SARNP: variants seen among roughly 807,000 people sequenced by gnomAD.
SARNP encodes the protein SAP domain containing ribonucleoprotein.
In SARNP, 5 loss-of-function variants were observed where a neutral mutation model predicts 38.1. That is an observed-to-expected ratio of 0.13 (90% CI 0.07 to 0.28). The LOEUF (loss-of-function observed/expected upper bound fraction) is 0.28. SARNP is among the 10% of genes least tolerant of loss of function. The pLI is 1.00. For missense variants in SARNP, 180 were observed against 243.9 expected (o/e 0.74, Z 1.75); for synonymous variants, 84 against 80.6 (o/e 1.04, Z -0.23).
Position 55,778,515 on chromosome 12 carries a change from T to C in SARNP, c.501+10560A>G, listed in dbSNP as rs147217753. ...GTTCCATTGGGAGGGTGGAGAAAAG[T>C]AGTGTCTTTTTTTTATCTTAAAGGG... On this transcript the variant is annotated intron_variant, in intron 9 of 10. Coordinates refer to ENST00000336133, the MANE Select transcript of SARNP (RefSeq NM_033082.4). Among the ~76,000 whole-genome samples the C allele has an allele frequency of 5.9e-3, 896 of 152,134 alleles. 13 individuals are homozygous for C. Among genetic ancestry groups the C allele is most frequent in the African/African-American group, 0.021 (859 of 41,446 alleles).
At chr12:55,782,785 TCTCA>T (rs1292405937) in intron 9 of SARNP, among the ~76,000 whole-genome samples, 1 of 152,122 alleles carries the variant, frequency 6.6e-6, no homozygotes, top group Non-Finnish European at 1.5e-5. Context: ...GAAGACAGGG[TCTCA>T]CTATGTTGCC....
chr12:55,756,684 C>T (rs1878514398), downstream of SARNP: 1 of 152,226 alleles, frequency 6.6e-6, no homozygotes, highest in Non-Finnish European at 1.5e-5. Context: ...TTGAAGCCTC[C>T]AGTTCCACTG....
chr12:55,776,039 G>A (rs1879172032), intron 9 of SARNP, among the ~76,000 whole-genome samples: 1 of 151,988 alleles, frequency 6.6e-6, no homozygotes, highest in African/African-American at 2.4e-5. Flanking sequence ...CTCCCATACA[G>A]ACTCTGAAGG....
downstream of SARNP, chr12:55,753,551 T>C (rs1315979867): frequency 6.6e-6 from 1 of 151,960 alleles, no homozygotes; most frequent in Non-Finnish European, 1.5e-5. Flanking sequence ...GGGCGGATCA[T>C]GCAAGGTCCG....
intron 2 of SARNP, among the ~76,000 whole-genome samples, chr12:55,803,190 G>C (rs1251124462): frequency 1.3e-5 from 2 of 152,012 alleles, no homozygotes; most frequent in Non-Finnish European, 2.9e-5. Flanking sequence ...TAAGATGTAG[G>C]TTGTACAAGA....
chr12:55,815,164 C>A (rs908917098), intron 1 of SARNP, among the ~76,000 whole-genome samples: 6 of 152,172 alleles, frequency 3.9e-5, no homozygotes, highest in African/African-American at 1.4e-4. Flanking sequence ...CTCAAGCAAT[C>A]CTCCCACTTC....
Position 55,794,789 on chromosome 12 carries a change from A to G in SARNP, c.377+18T>C. ...TACAACACCCCTATCAGAGGCCCAA[A>G]AGGCTGGGGACACTCACCTAGCTGC... On this transcript the variant is annotated intron_variant, in intron 6 of 10. Coordinates refer to ENST00000336133, the MANE Select transcript of SARNP (RefSeq NM_033082.4). 1 of 1,539,886 alleles carries G rather than the reference A, an allele frequency of 6.5e-7. No individual in the cohort carries two copies. The highest frequency in any genetic ancestry group is 1.1e-5 in the South Asian group (1 of 87,800).
In SARNP at chr12:55,757,407, G is replaced by A. The variant is rs1004632965; in HGVS notation, c.*105C>T. ...CCTGGGGTACATGCTCCCTCATTGCGAGGCAGGACGTAGGCACATGACTGT... is the reference window on the plus strand; with the variant it reads ...CCTGGGGTACATGCTCCCTCATTGCAAGGCAGGACGTAGGCACATGACTGT... On this transcript the variant is annotated 3_prime_UTR_variant, in exon 11 of 11. Coordinates refer to ENST00000336133, the MANE Select transcript of SARNP (RefSeq NM_033082.4). The A allele has an allele frequency of 1.7e-5, 15 of 878,186 alleles. No homozygotes were observed. Among genetic ancestry groups the A allele is most frequent in the Admixed American group, 2.9e-5 (1 of 33,904 alleles). The allele number at this position is 878,186 out of a possible 1,614,324, so 54.4% of individuals were successfully genotyped here. A position where few individuals can be genotyped will look rare whatever the true frequency, so the allele number is the denominator to read the frequency against.
chr12:55,769,174 A>G (rs1407660014), intron 9 of SARNP, among the ~76,000 whole-genome samples: 1 of 152,232 alleles, frequency 6.6e-6, no homozygotes, highest in African/African-American at 2.4e-5. Context: ...TGTAGATCCA[A>G]TCCCAGGTTC....
intron 8 of SARNP, among the ~76,000 whole-genome samples, chr12:55,789,496 G>A (rs1242661460): frequency 6.6e-6 from 1 of 152,126 alleles, no homozygotes; most frequent in African/African-American, 2.4e-5. Context: ...TTCTCATGTG[G>A]TCTCTGCAAG....
Position 55,790,485 on chromosome 12 carries a change from T to C in SARNP, c.432+82A>G. 2.1e-6 allele frequency: 3 copies of C among 1,402,846 alleles called. No homozygotes were observed. The South Asian group carries it at 4.1e-5, about 19-fold the overall frequency. The allele number at this position is 1,402,846 out of a possible 1,614,324, so 86.9% of individuals were successfully genotyped here. On this transcript the variant is annotated intron_variant, in intron 8 of 10. Transcript: ENST00000336133. ...AAATTAATGTTCTCAGAGTTTCCTC[T>C]AATCTGGGGAGGAGGAGTCTCTAAA... is the stretch of plus-strand genomic sequence containing the variant.
At position 55,800,584 on chromosome 12, in the gene SARNP, G is replaced by T; in HGVS notation, c.229C>A (p.Pro77Thr). ...TACACATCAACAGTTTTTTCAGGGG[G>T]TTCTTCCTCTTTGACAGGGAGCTCA... is the stretch of plus-strand genomic sequence containing the variant. ...PIELPVKEEEPPEKTVDVAAE... is the reference protein window; with the variant it reads ...PIELPVKEEETPEKTVDVAAE... Residue 77 changes from proline to threonine, a missense_variant, in exon 4 of 11, where the codon CCC becomes ACC. Physicochemically the swap from Pro to Thr is conservative, Grantham distance 38. Transcript: ENST00000336133. The T allele has an allele frequency of 1.9e-6, 3 of 1,611,354 alleles. No individual in the cohort carries two copies.
intron 1 of SARNP, among the ~76,000 whole-genome samples, chr12:55,807,164 G>A (rs1049818918): frequency 3.9e-5 from 6 of 152,024 alleles, no homozygotes; most frequent in Admixed American, 6.6e-5. Flanking sequence ...CAATACTTTC[G>A]CAATAACAAT....
chr12:55,795,264 G>A (rs2136197751), intron 5 of SARNP, among the ~76,000 whole-genome samples: 1 of 152,200 alleles, frequency 6.6e-6, no homozygotes, highest in Admixed American at 6.5e-5. Flanking sequence ...CCAGCCAAAG[G>A]TAGGTATCTT....
At chr12:55,812,646 C>T (rs538657483) in intron 1 of SARNP, among the ~76,000 whole-genome samples, 2 of 152,362 alleles carry the variant, frequency 1.3e-5, no homozygotes, top group South Asian at 2.1e-4. Context: ...TTCTCCTCCT[C>T]CCAACCCAGA....
intron 9 of SARNP, among the ~76,000 whole-genome samples, chr12:55,768,370 T>C (rs921688968): frequency 6.6e-6 from 1 of 151,966 alleles, no homozygotes; most frequent in Admixed American, 6.6e-5. Flanking sequence ...CCTCAGGTGA[T>C]CCGCCTACCT....
At chr12:55,808,419 A>G (rs1010719408) in intron 1 of SARNP, among the ~76,000 whole-genome samples, 18 of 152,122 alleles carry the variant, frequency 1.2e-4, no homozygotes, top group Middle Eastern at 6.8e-3. Context: ...CCCGAGTTCA[A>G]GCAATTCTGC....
chr12:55,808,522 C>T (rs897596762), intron 1 of SARNP, among the ~76,000 whole-genome samples: 5 of 152,150 alleles, frequency 3.3e-5, no homozygotes, highest in African/African-American at 1.2e-4. Flanking sequence ...GTCTCGAACT[C>T]TCGACCTCAG....
intron 10 of SARNP, among the ~76,000 whole-genome samples, chr12:55,758,599 C>T (rs1296746591): frequency 3.3e-5 from 5 of 151,886 alleles, no homozygotes; most frequent in Admixed American, 2.0e-4. Context: ...GAGCTGAGAT[C>T]GCACCACTGC....
Sources: allele counts gnomAD v4.1 joint callset (sites outside exome capture counted in the v4.1 genomes callset), GRCh38; gene constraint gnomAD v4.1.1; transcripts MANE v1.5; gene names NCBI Gene and HGNC (gene_info 2026-07-23, HGNC 2026-07-21).